AVL9: variants seen among roughly 807,000 people sequenced by gnomAD.
AVL9 encodes late secretory pathway protein AVL9 homolog.
Under a neutral mutation model 79.2 loss-of-function variants are expected in AVL9, and 49 were observed. That is an observed-to-expected ratio of 0.62 (90% CI 0.49 to 0.79). The LOEUF is 0.79. AVL9 is among the 30% of genes least tolerant of loss of function. The pLI is 0.00. For missense variants in AVL9, 682 were observed against 776.8 expected, an observed-to-expected ratio of 0.88 and a Z score of 1.45; for synonymous variants, 299 against 280.6, an observed-to-expected ratio of 1.07 and a Z score of -0.65.
At position 32,586,830 on chromosome 7, in the gene AVL9, A is replaced by T. The variant is rs1265690076; in HGVS notation, c.*2923A>T. 1.3e-5 allele frequency: 2 copies of T among 152,124 alleles called. No individual in the cohort carries two copies. Among genetic ancestry groups the T allele is most frequent in the Non-Finnish European group, 2.9e-5 (2 of 68,046 alleles). The allele number at this position is 152,124 out of a possible 1,614,324, so 9.4% of individuals were successfully genotyped here. ...TACTTCAATTCCTACTAGACATTGT[A>T]ATGACAATGGTGTAGGTAAGGAAGA... On this transcript the variant is annotated 3_prime_UTR_variant, in exon 16 of 16. Coordinates refer to ENST00000318709, the MANE Select transcript of AVL9 (RefSeq NM_015060.3).
chr7:32,544,660 C>T, intron 2 of AVL9, 34 bp from the exon 3 acceptor site: 1 of 1,447,976 alleles, frequency 6.9e-7, no homozygotes, highest in Non-Finnish European at 9.7e-7. Flanking sequence ...GGGTAATTCA[C>T]CTCACTATTT....
chr7:32,586,667 T>C lies in AVL9; in HGVS notation c.*2760T>C, dbSNP rs535289243. ...CTTTTGTGTCTAAGAATTGAGTATT[T>C]GTACCTAGGTGTGAGGGAACCAGGG... On this transcript the variant is annotated 3_prime_UTR_variant, in exon 16 of 16. Coordinates refer to ENST00000318709, the MANE Select transcript of AVL9 (RefSeq NM_015060.3). 11 of 152,328 alleles carry C rather than the reference T, an allele frequency of 7.2e-5. No homozygotes were observed. The highest frequency in any genetic ancestry group is 2.6e-4 in the African/African-American group (11 of 41,552). The allele number at this position is 152,328 out of a possible 1,614,324, so 9.4% of individuals were successfully genotyped here.
intron 3 of AVL9, among the ~76,000 whole-genome samples, chr7:32,548,241 G>A (rs867928635): frequency 3.6e-4 from 53 of 147,324 alleles, no homozygotes; most frequent in African/African-American, 1.3e-3. Flanking sequence ...TCTGCCTCCC[G>A]GGTTCAAGCA....
chr7:32,514,917 C>T (rs781709875), intron 1 of AVL9, among the ~76,000 whole-genome samples: 6 of 152,248 alleles, frequency 3.9e-5, no homozygotes, highest in Non-Finnish European at 2.9e-5. Flanking sequence ...GTGGTCTCTT[C>T]ACACGGACAC....
chr7:32,545,364 CTTTTTTTT>C (rs10610945), intron 3 of AVL9, among the ~76,000 whole-genome samples: 3 of 73,350 alleles, frequency 4.1e-5, no homozygotes. Flanking sequence ...TCTAAGATTT[CTTTTTTTT>C]TTTTTTTTTT....
intron 1 of AVL9, among the ~76,000 whole-genome samples, chr7:32,521,057 T>C (rs550907048): frequency 6.6e-6 from 1 of 152,180 alleles, no homozygotes; most frequent in African/African-American, 2.4e-5. Flanking sequence ...CCTCCCATCA[T>C]GATTCTGAGG....
chr7:32,546,069 C>CTTTTTTTTTTT (rs57046702), intron 3 of AVL9, among the ~76,000 whole-genome samples: 7,143 of 98,032 alleles, frequency 0.073, 345 homozygotes, highest in Non-Finnish European at 0.089. Flanking sequence ...TACCTGGAGA[C>CTTTTTTTTTTT]TTTTTTTTTT....
chr7:32,498,873 A>T (rs1308264772), intron 1 of AVL9, among the ~76,000 whole-genome samples: 1 of 151,174 alleles, frequency 6.6e-6, no homozygotes, highest in African/African-American at 2.4e-5. Context: ...AACAAGGGAT[A>T]CTAAGTGTGG....
In AVL9 at chr7:32,579,460, ATATATAATATATTATAT is replaced by A. The variant is rs1562801739; in HGVS notation, c.1689-752_1689-736del. Reference sequence around the variant, plus strand: ...TATTATATATAATATATTATATATTATATATAATATATTATATTATATATAATATATTACATATTATA... The same window carrying A: ...TATTATATATAATATATTATATATTATATATATAATATATTACATATTATA... On this transcript the variant is annotated intron_variant, in intron 13 of 15. Transcript: ENST00000318709. Among the ~76,000 whole-genome samples, 23 of 6,044 alleles carry A rather than the reference ATATATAATATATTATAT, an allele frequency of 3.8e-3. 5 individuals carry two copies. Among genetic ancestry groups the A allele is most frequent in the African/African-American group, 0.021 (23 of 1,086 alleles). The allele number at this position is 6,044 out of a possible 152,430, so 4.0% of individuals were successfully genotyped here.
intron 1 of AVL9, among the ~76,000 whole-genome samples, chr7:32,508,130 CTT>C (rs1323367691): frequency 6.6e-6 from 1 of 152,098 alleles, no homozygotes; most frequent in Non-Finnish European, 1.5e-5. Context: ...CCATTTAAGA[CTT>C]ATATGTGCTG....
intron 10 of AVL9, among the ~76,000 whole-genome samples, chr7:32,566,724 A>C (rs1430158078): frequency 6.6e-6 from 1 of 150,854 alleles, no homozygotes; most frequent in African/African-American, 2.4e-5. Flanking sequence ...TAAAAATACA[A>C]AAAAAGAAAT....
At chr7:32,551,646 A>G in intron 5 of AVL9, among the ~76,000 whole-genome samples, 1 of 127,444 alleles carries the variant, frequency 7.8e-6, no homozygotes, top group African/African-American at 2.9e-5. Flanking sequence ...ACTACAAATA[A>G]CTATAACTAA....
intron 13 of AVL9, among the ~76,000 whole-genome samples, chr7:32,579,278 T>TTTTA (rs1554347825): frequency 9.4e-6 from 1 of 106,012 alleles, no homozygotes; most frequent in African/African-American, 3.7e-5. Flanking sequence ...ATGCCTGATT[T>TTTTA]TATATATATA....
At chr7:32,542,184 C>CTTT (rs113254142) in intron 1 of AVL9, among the ~76,000 whole-genome samples, 2,178 of 138,074 alleles carry the variant, frequency 0.016, 53 homozygotes, top group African/African-American at 0.054. Flanking sequence ...TTTTACAGTC[C>CTTT]TTTTTTTTTT....
At chr7:32,546,290 CTG>C (rs1789499866) in intron 3 of AVL9, among the ~76,000 whole-genome samples, 2 of 151,986 alleles carry the variant, frequency 1.3e-5, no homozygotes. Flanking sequence ...GACTCATAGA[CTG>C]TGTGTCTCTT....
chr7:32,538,461 G>A (rs1310652222), intron 1 of AVL9: 1 of 152,166 alleles, frequency 6.6e-6, no homozygotes, highest in Non-Finnish European at 1.5e-5. Flanking sequence ...TAGAACAAGT[G>A]TGGCTAAAAA....
intron 3 of AVL9, among the ~76,000 whole-genome samples, chr7:32,546,128 C>A (rs573549177): frequency 6.3e-5 from 9 of 141,906 alleles, no homozygotes. Flanking sequence ...GAATTAGAAT[C>A]GCTGGGATTT....
At position 32,586,314 on chromosome 7, in the gene AVL9, A is replaced by G. The variant is rs1351305386; in HGVS notation, c.*2407A>G. 2 of 152,212 alleles carry G rather than the reference A, an allele frequency of 1.3e-5. No individual in the cohort carries two copies. The highest frequency in any genetic ancestry group is 2.4e-5 in the African/African-American group (1 of 41,456). 9.4% of individuals were successfully genotyped at this position (152,212 alleles called of 1,614,324 possible). ...TATCTCAGAAGATACAACTTTCATC[A>G]TAGAAATGGTCAAAAGACCATAGCT... On this transcript the variant is annotated 3_prime_UTR_variant, in exon 16 of 16. Transcript: ENST00000318709.
intron 1 of AVL9, 105 bp downstream of exon 1, chr7:32,495,907 C>G (rs1786781205): frequency 7.2e-6 from 5 of 689,712 alleles, no homozygotes; most frequent in African/African-American, 1.9e-5. Flanking sequence ...GCAGTCCTCC[C>G]CACAGCGCCT....
Sources: allele counts gnomAD v4.1 joint callset (sites outside exome capture counted in the v4.1 genomes callset), GRCh38; gene constraint gnomAD v4.1.1; transcripts MANE v1.5; gene names NCBI Gene and HGNC (gene_info 2026-07-23, HGNC 2026-07-21).